ITGA8: variants seen among roughly 807,000 people sequenced by gnomAD.
ITGA8 encodes integrin alpha-8.
A neutral mutation model predicts 142.3 loss-of-function variants in ITGA8; 91 were observed. The ratio of observed to expected loss-of-function variants is 0.64; its 90% CI spans 0.54 to 0.76. The LOEUF (loss-of-function observed/expected upper bound fraction) is 0.76, where lower values mean the gene tolerates loss of function less well. Ranked by LOEUF, ITGA8 falls within the 30% of genes least tolerant of loss-of-function variation. ITGA8 has a pLI of 0.00. For missense variants in ITGA8, 1,406 were observed against 1,327.7 expected (o/e 1.06, Z -0.92); for synonymous variants, 505 against 485.2 (o/e 1.04, Z -0.54).
In ITGA8 at chr10:15,558,202, G is replaced by T. The variant is rs1354987332; in HGVS notation, c.2638C>A (p.Pro880Thr). 2.5e-6 allele frequency: 4 copies of T among 1,613,652 alleles called. No homozygotes were observed. In the South Asian group the frequency reaches 3.3e-5, roughly 13 times the overall value. ...GGGGTGTCCTCTGGGGAGGCAGCAG[G>T]CTGCAAAAAGAAAGTGGGAGATACC... ...NPNINPQDIK[P>T]AASPEDTPEL... The change falls in exon 26 of 30, where the codon CCT (proline) becomes ACT (threonine). Residue 880 changes from proline to threonine, a missense_variant and splice_region_variant. By Grantham distance (38) the Pro-to-Thr change is conservative. Coordinates refer to ENST00000378076, the MANE Select transcript of ITGA8 (RefSeq NM_003638.3).
intron 26 of ITGA8, among the ~76,000 whole-genome samples, chr10:15,549,853 GGTTAGT>G (rs1214461242): frequency 6.6e-6 from 1 of 152,154 alleles, no homozygotes; most frequent in Non-Finnish European, 1.5e-5. Flanking sequence ...TCTGCAAAGG[GGTTAGT>G]AATATATTGT....
chr10:15,607,825 A>G lies in ITGA8; in HGVS notation c.1616T>C (p.Met539Thr), dbSNP rs753716492. The change falls in exon 17 of 30, where the codon ATG (methionine) becomes ACG (threonine). Residue 539 changes from methionine (M) to threonine (T), a missense_variant. Physicochemically the swap from Met to Thr is moderately conservative, Grantham distance 81 (BLOSUM62 -1). Transcript: ENST00000378076. ...CAGGGAATCTAATTGCACCTCTGCC[A>G]TCAAGACTAAAGGACAGAAGTAAAG... is the stretch of plus-strand genomic sequence containing the variant. ...GQSIANTIVL[M>T]AEVQLDSLKQ... 1 of 1,613,082 alleles carries G rather than the reference A, an allele frequency of 6.2e-7. No individual in the cohort carries two copies. The highest frequency in any genetic ancestry group is 2.2e-5 in the East Asian group (1 of 44,868).
chr10:15,655,187 G>T (rs1834159531), intron 11 of ITGA8, among the ~76,000 whole-genome samples, 167 bp downstream of exon 11: 1 of 152,298 alleles, frequency 6.6e-6, no homozygotes, highest in East Asian at 1.9e-4. Context: ...AGATGACAGA[G>T]AATTATTTAA....
intron 8 of ITGA8, among the ~76,000 whole-genome samples, chr10:15,671,275 A>T (rs926139601): frequency 3.3e-5 from 5 of 152,212 alleles, no homozygotes; most frequent in African/African-American, 9.6e-5. Flanking sequence ...GGTACTAGAA[A>T]TGAAGGGATC....
At chr10:15,563,594 C>A (rs1349609632) in intron 25 of ITGA8, among the ~76,000 whole-genome samples, 1 of 152,104 alleles carries the variant, frequency 6.6e-6, no homozygotes, top group Non-Finnish European at 1.5e-5. Flanking sequence ...TAGCAGTAAG[C>A]AGTAATAGTA....
chr10:15,540,508 A>G (rs1018342214), intron 27 of ITGA8, among the ~76,000 whole-genome samples: 3 of 152,220 alleles, frequency 2.0e-5, no homozygotes, highest in Admixed American at 6.5e-5. Flanking sequence ...TGAAAGATGT[A>G]AGAAAATGAG....
Position 15,618,697 on chromosome 10 carries a change from T to C in ITGA8, c.1400-2138A>G, listed in dbSNP as rs1588678833. On this transcript the variant is annotated intron_variant, in intron 13 of 29. Transcript: ENST00000378076. ...ACGACAAAAGACTAGATTGGTTCAGTCTTTTGGACTCCATCTTTCTCCCAT... is the reference window on the plus strand; with the variant it reads ...ACGACAAAAGACTAGATTGGTTCAGCCTTTTGGACTCCATCTTTCTCCCAT... 2.6e-5 allele frequency among the ~76,000 whole-genome samples: 4 copies of C among 152,248 alleles called. 1 individual carries two copies. Among genetic ancestry groups the C allele is most frequent in the South Asian group, 4.1e-4 (2 of 4,820 alleles).
intron 4 of ITGA8, among the ~76,000 whole-genome samples, chr10:15,679,261 T>TA (rs1281979911): frequency 6.6e-6 from 1 of 152,170 alleles, no homozygotes; most frequent in Non-Finnish European, 1.5e-5. Flanking sequence ...TTTCCACTGT[T>TA]ACGCTCTTTA....
At chr10:15,578,188 C>G (rs2131585471) in intron 23 of ITGA8, among the ~76,000 whole-genome samples, 1 of 152,248 alleles carries the variant, frequency 6.6e-6, no homozygotes, top group Non-Finnish European at 1.5e-5. Flanking sequence ...GTCCCTATCT[C>G]CTCCATATCT....
intron 23 of ITGA8, among the ~76,000 whole-genome samples, chr10:15,585,022 G>A (rs974389676): frequency 1.3e-5 from 2 of 152,060 alleles, no homozygotes; most frequent in African/African-American, 4.8e-5. Context: ...CTGGGTGACA[G>A]AGTGAGACCC....
chr10:15,664,673 C>A (rs1410618935), intron 8 of ITGA8, among the ~76,000 whole-genome samples: 1 of 146,226 alleles, frequency 6.8e-6, no homozygotes, highest in Admixed American at 6.9e-5. Flanking sequence ...CCCCTCCCCC[C>A]AACCCACAAC....
In ITGA8 at chr10:15,558,164, G is replaced by A. The variant is rs537111237; in HGVS notation, c.2676C>T (p.Ala892=). The change falls in exon 26 of 30, where the codon GCC becomes GCT. Residue 892 remains alanine (A), a synonymous_variant. Transcript: ENST00000378076. ...GAGGAATAGTAGAGTTTCGCAAAAAGGCGCTGAGCTCAGGGGTGTCCTCTG... is the reference window on the plus strand; with the variant it reads ...GAGGAATAGTAGAGTTTCGCAAAAAAGCGCTGAGCTCAGGGGTGTCCTCTG... ...ASPEDTPELS[A]FLRNSTIPHL... 6.2e-6 allele frequency: 10 copies of A among 1,614,212 alleles called. No homozygotes were observed. In the Admixed American group the frequency reaches 6.7e-5, roughly 11 times the overall value.
At chr10:15,662,585 T>A (rs554155712) in intron 8 of ITGA8, among the ~76,000 whole-genome samples, 1 of 152,124 alleles carries the variant, frequency 6.6e-6, no homozygotes, top group South Asian at 2.1e-4. Flanking sequence ...GCCATCCACC[T>A]GCTTCGGCCT....
chr10:15,651,393 AT>A (rs1834082376), intron 11 of ITGA8, among the ~76,000 whole-genome samples: 1 of 152,208 alleles, frequency 6.6e-6, no homozygotes, highest in South Asian at 2.1e-4. Flanking sequence ...GCTTGACAGT[AT>A]TAACCATCAA....
In ITGA8 at chr10:15,646,938, C is replaced by A. The variant is rs200233925; in HGVS notation, c.1115G>T (p.Arg372Ile). ...LYLQVSSLLF[R>I]DPQILTGTET... Reference sequence around the variant, plus strand: ...GGTGCCAGTGAGGATCTGGGGGTCTCTGAAGAGGAGAGAGCTCACTTGCAA... The same window carrying A: ...GGTGCCAGTGAGGATCTGGGGGTCTATGAAGAGGAGAGAGCTCACTTGCAA... Residue 372 changes from arginine to isoleucine, a missense_variant, in exon 12 of 30, where the codon AGA becomes ATA. Coordinates refer to ENST00000378076, the MANE Select transcript of ITGA8 (RefSeq NM_003638.3). 1.9e-6 allele frequency: 3 copies of A among 1,614,020 alleles called. No homozygotes were observed. The East Asian group carries it at 6.7e-5, about 36-fold the overall frequency.
In ITGA8 at chr10:15,715,789, A is replaced by G. The variant is rs144606807; in HGVS notation, c.343+2977T>C. ...TCAGAATGGAAATAGCTACACTGGCATCTGCTGTGCCTTCTTCACTTGCAC... is the reference window on the plus strand; with the variant it reads ...TCAGAATGGAAATAGCTACACTGGCGTCTGCTGTGCCTTCTTCACTTGCAC... On this transcript the variant is annotated intron_variant, in intron 2 of 29. Coordinates refer to ENST00000378076, the MANE Select transcript of ITGA8 (RefSeq NM_003638.3). Among the ~76,000 whole-genome samples the G allele has an allele frequency of 2.1e-3, 322 of 152,388 alleles. 1 individual carries two copies. The highest frequency in any genetic ancestry group is 7.5e-3 in the African/African-American group (310 of 41,590).
chr10:15,668,645 C>T (rs1358440429), intron 8 of ITGA8, among the ~76,000 whole-genome samples: 5 of 152,068 alleles, frequency 3.3e-5, no homozygotes, highest in Admixed American at 3.3e-4. Context: ...CATGTTTTTG[C>T]AGTGGCTGGT....
chr10:15,536,101 C>A (rs1163916410), intron 27 of ITGA8, among the ~76,000 whole-genome samples: 1 of 152,114 alleles, frequency 6.6e-6, no homozygotes, highest in African/African-American at 2.4e-5. Flanking sequence ...TCTGGACACG[C>A]TGCCTTTAAG....
chr10:15,684,373 T>G (rs975390197), intron 3 of ITGA8, among the ~76,000 whole-genome samples: 13 of 150,166 alleles, frequency 8.7e-5, no homozygotes, highest in African/African-American at 3.2e-4. Context: ...TGACAATAGT[T>G]TTTTTTTTTT....
Sources: gnomAD v4.1 joint callset for allele counts (sites outside exome capture counted in the v4.1 genomes callset) on GRCh38, gnomAD v4.1.1 for gene constraint, MANE v1.5 for transcripts, NCBI Gene and HGNC (gene_info 2026-07-23, HGNC 2026-07-21) for gene names.